EMC7: variants seen among roughly 807,000 people sequenced by gnomAD.
EMC7 encodes the protein endoplasmic reticulum membrane protein complex subunit 7.
In EMC7, 4 loss-of-function variants were observed where a neutral mutation model predicts 24.4. That is an observed-to-expected ratio of 0.16 (90% CI 0.08 to 0.38). The LOEUF is 0.38. EMC7 is among the 10% of genes least tolerant of loss of function. The probability of loss-of-function intolerance (pLI) is 1.00; values close to 1 mark genes in which losing one functional copy is unlikely to be tolerated. For synonymous variants in EMC7, 106 were observed against 112.0 expected (o/e 0.95, Z 0.34); for missense variants, 221 against 300.6 (o/e 0.74, Z 1.96).
intron 4 of EMC7, among the ~76,000 whole-genome samples, chr15:34,087,103 A>G (rs1401076998): frequency 1.3e-5 from 2 of 152,208 alleles, no homozygotes; most frequent in Non-Finnish European, 2.9e-5. Flanking sequence ...AATCCATTCT[A>G]TTTTCTACAT....
chr15:34,097,255 A>G (rs575855879), intron 1 of EMC7, among the ~76,000 whole-genome samples: 7 of 151,860 alleles, frequency 4.6e-5, no homozygotes, highest in African/African-American at 2.4e-5. Flanking sequence ...GAATGGTCTC[A>G]ATCTCCTGAC....
intron 2 of EMC7, 84 bp downstream of exon 2, chr15:34,095,811 T>C: frequency 1.6e-6 from 2 of 1,274,920 alleles, no homozygotes; most frequent in Non-Finnish European, 2.1e-6. Context: ...GAATTTTCCA[T>C]CTAAACTATT....
chr15:34,089,545 C>A (rs767297103), intron 3 of EMC7, among the ~76,000 whole-genome samples: 43 of 152,180 alleles, frequency 2.8e-4, no homozygotes, highest in Admixed American at 6.5e-4. Flanking sequence ...CTTAAATTAC[C>A]ATAGAATAAC....
chr15:34,093,823 A>ATATTTTT (rs1190830993), intron 2 of EMC7, among the ~76,000 whole-genome samples: 1 of 48,714 alleles, frequency 2.1e-5, no homozygotes, highest in African/African-American at 1.1e-4. Flanking sequence ...ATATATATAT[A>ATATTTTT]TTTTTTTTTT....
At position 34,084,486 on chromosome 15, in the gene EMC7, C is replaced by T; in HGVS notation, c.577G>A (p.Glu193Lys). The change falls in exon 5 of 5, where the codon GAA becomes AAA. Residue 193 changes from glutamate to lysine, a missense_variant and splice_region_variant. This residue lies in a region of EMC7 where 65 missense variants were observed against 123.4 expected (regional missense o/e 0.53). Coordinates refer to ENST00000256545, the MANE Select transcript of EMC7 (RefSeq NM_020154.3). ...VNTSDPDMRREMEQSMNMLNS... is the reference protein window; with the variant it reads ...VNTSDPDMRRKMEQSMNMLNS... ...AGCATATTCATTGACTGCTCCATTT[C>T]CTGCAAGAAGACAAGGCACAATGAT... 6.2e-7 allele frequency: 1 copy of T among 1,611,066 alleles called. No individual in the cohort carries two copies. Among genetic ancestry groups the T allele is most frequent in the Non-Finnish European group, 8.5e-7 (1 of 1,177,634 alleles).
At chr15:34,084,867 G>C (rs572938543) in intron 4 of EMC7, among the ~76,000 whole-genome samples, 2 of 151,772 alleles carry the variant, frequency 1.3e-5, no homozygotes, top group African/African-American at 4.8e-5. Context: ...TTTAACATTA[G>C]GTATATCTTC....
At chr15:34,088,600 T>C (rs141524288) in intron 3 of EMC7, among the ~76,000 whole-genome samples, 105 of 152,094 alleles carry the variant, frequency 6.9e-4, no homozygotes, top group Admixed American at 1.2e-3. Flanking sequence ...AAAAATGACC[T>C]AGAAGCATCA....
intron 2 of EMC7, among the ~76,000 whole-genome samples, chr15:34,094,255 A>T (rs766865323): frequency 1.2e-4 from 18 of 151,466 alleles, no homozygotes; most frequent in Non-Finnish European, 1.8e-4. Context: ...AAAATAAAAA[A>T]ATCAAGCCAG....
At chr15:34,098,759 G>A (rs1186192887) in intron 1 of EMC7, among the ~76,000 whole-genome samples, 3 of 151,212 alleles carry the variant, frequency 2.0e-5, no homozygotes, top group African/African-American at 4.9e-5. Flanking sequence ...ATGAGCCACC[G>A]TACCCAGCCC....
rs1190830993 is a variant in EMC7 at position 34,093,823 on chromosome 15, A to ATATATATATAT, written c.356+2071_356+2072insATATATATATA. ...CACACACACATATATATATATATAT[A>ATATATATATAT]TTTTTTTTTTTTTTTTTTTTGAGAC... On this transcript the variant is annotated intron_variant, in intron 2 of 4. Coordinates refer to ENST00000256545, the MANE Select transcript of EMC7 (RefSeq NM_020154.3). Among the ~76,000 whole-genome samples, 92 of 48,712 alleles carry ATATATATATAT rather than the reference A, an allele frequency of 1.9e-3. 1 individual carries two copies. The highest frequency in any genetic ancestry group is 4.1e-3 in the Admixed American group (15 of 3,652). The allele number at this position is 48,712 out of a possible 152,430, so 32.0% of individuals were successfully genotyped here.
At chr15:34,094,609 C>T (rs1442779598) in intron 2 of EMC7, among the ~76,000 whole-genome samples, 12 of 151,774 alleles carry the variant, frequency 7.9e-5, no homozygotes, top group African/African-American at 2.4e-4. Context: ...GGCTGAGGTA[C>T]GAGAATCCCT....
chr15:34,090,665 C>A (rs76849149), intron 2 of EMC7, among the ~76,000 whole-genome samples: 1 of 152,136 alleles, frequency 6.6e-6, no homozygotes, highest in African/African-American at 2.4e-5. Context: ...GAAAAAAACG[C>A]TAGACTTGGA....
intron 1 of EMC7, among the ~76,000 whole-genome samples, chr15:34,097,039 C>CT (rs553769836): frequency 0.089 from 8,661 of 97,634 alleles, 996 homozygotes; most frequent in East Asian, 0.4. Flanking sequence ...TGTTCTTCTT[C>CT]TTTTTTTTTT....
intron 4 of EMC7, among the ~76,000 whole-genome samples, chr15:34,086,725 G>A (rs564294112): frequency 4.8e-4 from 73 of 152,322 alleles, no homozygotes; most frequent in African/African-American, 1.4e-3. Context: ...CACCGCGCCC[G>A]GCCAGAATGA....
intron 2 of EMC7, among the ~76,000 whole-genome samples, chr15:34,093,782 TAC>T (rs143551689): frequency 3.4e-4 from 8 of 23,394 alleles, no homozygotes; most frequent in African/African-American, 9.6e-4. Flanking sequence ...CATATATGTA[TAC>T]ACACACACAC....
At chr15:34,087,758 T>A (rs1328037702) in intron 4 of EMC7, among the ~76,000 whole-genome samples, 1 of 152,246 alleles carries the variant, frequency 6.6e-6, no homozygotes, top group East Asian at 1.9e-4. Context: ...ACTATGTTAA[T>A]ACAACCTCTA....
intron 1 of EMC7, among the ~76,000 whole-genome samples, chr15:34,098,417 ACTT>A (rs1447233589): frequency 6.6e-6 from 1 of 150,598 alleles, no homozygotes; most frequent in African/African-American, 2.4e-5. Flanking sequence ...TGCATCTTCT[ACTT>A]CTTAATGGGA....
rs988679696 is a variant in EMC7, at chr15:34,084,265, G to A, written c.*69C>T. 4 of 1,547,828 alleles carry A rather than the reference G, an allele frequency of 2.6e-6. No individual in the cohort carries two copies. The highest frequency in any genetic ancestry group is 3.8e-5 in the Admixed American group (2 of 52,772). On this transcript the variant is annotated 3_prime_UTR_variant, in exon 5 of 5. Coordinates refer to ENST00000256545, the MANE Select transcript of EMC7 (RefSeq NM_020154.3). Reference sequence around the variant, plus strand: ...CAAGTTTATAGTAGTTGCTTCACACGGTTTTCCAAGACTTGGATGCCACCC... The same window carrying A: ...CAAGTTTATAGTAGTTGCTTCACACAGTTTTCCAAGACTTGGATGCCACCC...
chr15:34,094,655 T>C (rs537511112), intron 2 of EMC7, among the ~76,000 whole-genome samples: 133 of 152,010 alleles, frequency 8.7e-4, no homozygotes, highest in African/African-American at 3.2e-3. Context: ...TGAGCCAAGA[T>C]TGCGCCACTG....
Sources: allele counts gnomAD v4.1 joint callset (sites outside exome capture counted in the v4.1 genomes callset), GRCh38; gene constraint gnomAD v4.1.1; regional missense constraint gnomAD v4.1.1; transcripts MANE v1.5; gene names NCBI Gene and HGNC (gene_info 2026-07-23, HGNC 2026-07-21).